The following AGBL4 variants were observed in gnomAD, a reference collection of about 807,000 sequenced individuals.
AGBL4 encodes the protein AGBL carboxypeptidase 4, also known as cytosolic carboxypeptidase 6.
Under a neutral mutation model 66.4 loss-of-function variants are expected in AGBL4, and 58 were observed. That is an observed-to-expected ratio of 0.87 (90% CI 0.71 to 1.09). The LOEUF is 1.09. Among genes scored for constraint, AGBL4 ranks in the 50% least tolerant of loss-of-function variants. The pLI is 0.00. For missense variants in AGBL4, 579 were observed against 631.0 expected, an observed-to-expected ratio of 0.92 and a Z score of 0.88; for synonymous variants, 234 against 222.9, an observed-to-expected ratio of 1.05 and a Z score of -0.44.
At chr1:49,935,727 G>A (rs1372432113) in intron 1 of AGBL4, among the ~76,000 whole-genome samples, 1 of 152,114 alleles carries the variant, frequency 6.6e-6, no homozygotes, top group Non-Finnish European at 1.5e-5. Context: ...AGGCAAACAG[G>A]GTCTGGAGTG....
chr1:48,851,463 G>A (rs1294544165), intron 6 of AGBL4, among the ~76,000 whole-genome samples: 1 of 152,134 alleles, frequency 6.6e-6, no homozygotes, highest in Non-Finnish European at 1.5e-5. Flanking sequence ...ATTGGAACCT[G>A]GCCTCTAAGA....
chr1:49,168,628 G>T (rs1646676914), intron 4 of AGBL4, among the ~76,000 whole-genome samples: 2 of 152,110 alleles, frequency 1.3e-5, no homozygotes, highest in Admixed American at 6.6e-5. Flanking sequence ...TTTGTTTTAG[G>T]AATGACCCAG....
At chr1:49,366,293 G>C (rs1170070634) in intron 3 of AGBL4, among the ~76,000 whole-genome samples, 12 of 152,154 alleles carry the variant, frequency 7.9e-5, no homozygotes, top group Non-Finnish European at 5.9e-5. Context: ...ATGGATGACA[G>C]AATGGTGAAT....
chr1:48,819,728 A>C (rs916315408), intron 6 of AGBL4, among the ~76,000 whole-genome samples: 5 of 152,194 alleles, frequency 3.3e-5, no homozygotes, highest in African/African-American at 1.2e-4. Flanking sequence ...TTTTATTTGT[A>C]AGGAGTTCTT....
chr1:49,616,775 A>C (rs945456821), intron 3 of AGBL4, among the ~76,000 whole-genome samples: 7 of 152,186 alleles, frequency 4.6e-5, no homozygotes, highest in African/African-American at 1.7e-4. Context: ...CCAGAGGTTC[A>C]GATAAAAAAC....
At chr1:49,901,905 C>T (rs1359974416) in intron 1 of AGBL4, among the ~76,000 whole-genome samples, 2 of 152,144 alleles carry the variant, frequency 1.3e-5, no homozygotes, top group Non-Finnish European at 2.9e-5. Flanking sequence ...GCCATCTGAT[C>T]CTTGACAAAC....
intron 6 of AGBL4, among the ~76,000 whole-genome samples, chr1:48,720,614 C>G (rs921947322): frequency 5.9e-5 from 9 of 152,170 alleles, no homozygotes; most frequent in Non-Finnish European, 7.3e-5. Flanking sequence ...AAAAAGTGAA[C>G]AGTGCTACCA....
intron 2 of AGBL4, among the ~76,000 whole-genome samples, chr1:49,749,416 G>C (rs886701385): frequency 6.6e-6 from 1 of 151,940 alleles, no homozygotes; most frequent in Admixed American, 6.6e-5. Flanking sequence ...CAAATAAAAG[G>C]CATAAAGATT....
chr1:49,953,271 A>T (rs1419347223), intron 1 of AGBL4, among the ~76,000 whole-genome samples: 1 of 151,916 alleles, frequency 6.6e-6, no homozygotes, highest in East Asian at 1.9e-4. Context: ...ATTTCCTAAT[A>T]TTTCCAAGAT....
intron 6 of AGBL4, chr1:48,817,946 C>T (rs1646220006): frequency 3.1e-6 from 2 of 652,904 alleles, no homozygotes; most frequent in East Asian, 5.4e-5. Flanking sequence ...AGGCAAAAAG[C>T]TAATACGTTC....
At chr1:49,362,631 T>C (rs1644164988) in intron 3 of AGBL4, among the ~76,000 whole-genome samples, 1 of 152,070 alleles carries the variant, frequency 6.6e-6, no homozygotes, top group Admixed American at 6.6e-5. Flanking sequence ...CCCACCTCAC[T>C]TGACTAGGAT....
chr1:48,721,127 C>T (rs1355994610), intron 6 of AGBL4, among the ~76,000 whole-genome samples: 1 of 151,822 alleles, frequency 6.6e-6, no homozygotes, highest in Non-Finnish European at 1.5e-5. Context: ...GTGGATAGTG[C>T]AAGGCCATTT....
At position 50,023,923 on chromosome 1, in the gene AGBL4, G is replaced by A. The variant is rs1662644574; in HGVS notation, c.-127C>T. The A allele has an allele frequency of 9.0e-7, 1 of 1,106,464 alleles. No individual in the cohort carries two copies. Among genetic ancestry groups the A allele is most frequent in the South Asian group, 1.9e-5 (1 of 51,332 alleles). 68.5% of individuals were successfully genotyped at this position (1,106,464 alleles called of 1,614,324 possible). A position where few individuals can be genotyped will look rare whatever the true frequency, so the allele number is the denominator to read the frequency against. On this transcript the variant is annotated 5_prime_UTR_variant, in exon 1 of 14. Coordinates refer to ENST00000371839, the MANE Select transcript of AGBL4 (RefSeq NM_032785.4). ...GGCACGACGGTTGCCTGGGCAACGGGCGGCAGGCGCGCGGGTGGCCGGCGC... is the reference window on the plus strand; with the variant it reads ...GGCACGACGGTTGCCTGGGCAACGGACGGCAGGCGCGCGGGTGGCCGGCGC...
At chr1:50,020,429 A>G (rs1662360373) in intron 1 of AGBL4, among the ~76,000 whole-genome samples, 1 of 152,144 alleles carries the variant, frequency 6.6e-6, no homozygotes. Flanking sequence ...AGGAAACTGA[A>G]GATCATAAAA....
chr1:49,583,714 TA>T (rs532319539), intron 3 of AGBL4, among the ~76,000 whole-genome samples: 3 of 151,680 alleles, frequency 2.0e-5, no homozygotes, highest in Non-Finnish European at 4.4e-5. Flanking sequence ...TGTTGAGAGT[TA>T]AAAAAAACAA....
intron 3 of AGBL4, among the ~76,000 whole-genome samples, chr1:49,372,669 T>A (rs1570551474): frequency 2.9e-5 from 2 of 68,072 alleles, no homozygotes; most frequent in East Asian, 8.7e-4. Flanking sequence ...CTTTCTTTCT[T>A]TCTTTCTTTC....
At chr1:49,094,238 C>G (rs1384728119) in intron 4 of AGBL4, among the ~76,000 whole-genome samples, 1 of 152,030 alleles carries the variant, frequency 6.6e-6, no homozygotes, top group Non-Finnish European at 1.5e-5. Context: ...CTACCCCCAC[C>G]AAAGATGTCC....
chr1:48,566,226 C>G (rs1012051949), intron 11 of AGBL4, among the ~76,000 whole-genome samples: 1 of 152,196 alleles, frequency 6.6e-6, no homozygotes, highest in African/African-American at 2.4e-5. Context: ...AATTTCTTCA[C>G]ATGCTCAGTT....
chr1:49,844,672 C>A, intron 2 of AGBL4: 1 of 1,580,694 alleles, frequency 6.3e-7, no homozygotes, highest in Non-Finnish European at 8.6e-7. Flanking sequence ...GGGACATTTC[C>A]AGTTTTTGCT....
Sources: gnomAD v4.1 joint callset for allele counts (sites outside exome capture counted in the v4.1 genomes callset) on GRCh38, gnomAD v4.1.1 for gene constraint, MANE v1.5 for transcripts, NCBI Gene and HGNC (gene_info 2026-07-23, HGNC 2026-07-21) for gene names.